The following DRC2 variants were observed in gnomAD, a reference collection of about 807,000 sequenced individuals.
The protein encoded by DRC2 is coiled-coil domain containing 65.
chr12:48,916,486 G>A, the DRC2 span, among the ~76,000 whole-genome samples: 1 of 152,094 alleles, frequency 6.6e-6, no homozygotes, highest in Non-Finnish European at 1.5e-5. Flanking sequence ...TGCAATCGCA[G>A]GCACTCGGCA....
At chr12:48,920,917 C>T in the DRC2 span, 1 of 1,602,602 alleles carries the variant, frequency 6.2e-7, no homozygotes, top group Non-Finnish European at 8.5e-7. Flanking sequence ...AACTCTCTTC[C>T]CGCTTCAAAT....
At chr12:48,920,778 T>C in the DRC2 span, 1 of 631,500 alleles carries the variant, frequency 1.6e-6, no homozygotes, top group Non-Finnish European at 2.7e-6. Flanking sequence ...ATAGTGTGTG[T>C]TACATGGTAA....
At chr12:48,921,515 AGAT>A in the DRC2 span, 2 of 1,460,572 alleles carry the variant, frequency 1.4e-6, no homozygotes, top group Non-Finnish European at 1.8e-6. Flanking sequence ...CAACTCCTAG[AGAT>A]TTTTTTTTTT....
At chr12:48,916,099 G>A in the DRC2 span, among the ~76,000 whole-genome samples, 339 of 138,366 alleles carry the variant, frequency 2.5e-3, no homozygotes, top group Admixed American at 3.1e-3. Flanking sequence ...AGGCAGAGAC[G>A]CTCCTCACTT....
chr12:48,914,995 A>G, the DRC2 span, among the ~76,000 whole-genome samples: 1 of 151,836 alleles, frequency 6.6e-6, no homozygotes, highest in African/African-American at 2.4e-5. Context: ...AGTAGCTGGG[A>G]TTACAGGTGC....
chr12:48,920,877 G>A, the DRC2 span: 4 of 1,545,176 alleles, frequency 2.6e-6, no homozygotes, highest in African/African-American at 2.8e-5. Flanking sequence ...AACTCCACTA[G>A]CTTCCCTCTT....
the DRC2 span, among the ~76,000 whole-genome samples, chr12:48,914,736 G>A: frequency 1.3e-5 from 2 of 152,146 alleles, no homozygotes; most frequent in African/African-American, 2.4e-5. Context: ...AAACAAACTC[G>A]GGCTTAAGTT....
At chr12:48,908,615 A>ATTTT in the DRC2 span, among the ~76,000 whole-genome samples, 2 of 146,778 alleles carry the variant, frequency 1.4e-5, no homozygotes, top group South Asian at 4.2e-4. Flanking sequence ...TTATTTATTT[A>ATTTT]TTTATTTTAT....
chr12:48,911,961 T>TA, the DRC2 span, among the ~76,000 whole-genome samples: 55 of 144,890 alleles, frequency 3.8e-4, no homozygotes, highest in Non-Finnish European at 3.0e-4. Flanking sequence ...ATAACTGATT[T>TA]AAAAAAAAAA....
the DRC2 span, chr12:48,904,491 C>T: frequency 8.1e-6 from 13 of 1,608,142 alleles, no homozygotes; most frequent in Middle Eastern, 1.7e-4. Flanking sequence ...TGCATTATGT[C>T]CTGCTCAACC....
chr12:48,915,920 C>T, the DRC2 span, among the ~76,000 whole-genome samples: 4 of 147,660 alleles, frequency 2.7e-5, no homozygotes, highest in East Asian at 2.1e-4. Context: ...ACCTCCCAGA[C>T]GGGGTGGCGG....
At chr12:48,912,437 CAAAA>C in the DRC2 span, among the ~76,000 whole-genome samples, 45 of 45,366 alleles carry the variant, frequency 9.9e-4, 1 homozygote, top group South Asian at 0.039. Flanking sequence ...GACGCCGTCT[CAAAA>C]AAAAAAAAAA....
chr12:48,904,288 G>T, the DRC2 span: 3 of 1,580,890 alleles, frequency 1.9e-6, no homozygotes, highest in Non-Finnish European at 2.6e-6. Context: ...TCTGTAACGC[G>T]GGCCGAGGCA....
At chr12:48,913,809 G>A in the DRC2 span, among the ~76,000 whole-genome samples, 1 of 151,434 alleles carries the variant, frequency 6.6e-6, no homozygotes, top group South Asian at 2.1e-4. Context: ...TGTATTTTTA[G>A]TAGAGACAGG....
At chr12:48,906,796 C>T in the DRC2 span, among the ~76,000 whole-genome samples, 1 of 151,462 alleles carries the variant, frequency 6.6e-6, no homozygotes, top group Non-Finnish European at 1.5e-5. Context: ...GAACTCCTGA[C>T]CTTAGGTGAT....
the DRC2 span, among the ~76,000 whole-genome samples, chr12:48,919,630 G>A: frequency 6.6e-6 from 1 of 151,830 alleles, no homozygotes; most frequent in East Asian, 1.9e-4. Flanking sequence ...CAATTCTCCT[G>A]CCTCAGCCTC....
chr12:48,914,238 C>G, the DRC2 span, among the ~76,000 whole-genome samples: 1 of 152,142 alleles, frequency 6.6e-6, no homozygotes, highest in African/African-American at 2.4e-5. Context: ...CTTGCTCAGC[C>G]CTTGCCATCA....
At chr12:48,905,012 A>C in the DRC2 span, 1 of 1,614,096 alleles carries the variant, frequency 6.2e-7, no homozygotes, top group South Asian at 1.1e-5. Context: ...ACAGTGGAGA[A>C]CTGTCCTTCG....
chr12:48,912,885 C>G, the DRC2 span, among the ~76,000 whole-genome samples: 1 of 151,464 alleles, frequency 6.6e-6, no homozygotes, highest in African/African-American at 2.4e-5. Flanking sequence ...CGCCCATAAT[C>G]CCAGAACTTT....
Sources: allele counts gnomAD v4.1 joint callset (sites outside exome capture counted in the v4.1 genomes callset), GRCh38; gene constraint gnomAD v4.1.1; transcripts MANE v1.5; gene names NCBI Gene and HGNC (gene_info 2026-07-23, HGNC 2026-07-21).